The following ARSG variants were observed in gnomAD, a reference collection of about 807,000 sequenced individuals.
ARSG encodes arylsulfatase G, also known as ASG.
Under a neutral mutation model 50.5 loss-of-function variants are expected in ARSG, and 37 were observed. That is an observed-to-expected ratio of 0.73 (90% CI 0.56 to 0.96). The LOEUF (loss-of-function observed/expected upper bound fraction) is 0.96. ARSG is among the 50% of genes least tolerant of loss of function. The probability of loss-of-function intolerance (pLI) is 0.00; values close to 1 mark genes in which losing one functional copy is unlikely to be tolerated. For missense variants in ARSG, 629 were observed against 675.3 expected (o/e 0.93, Z 0.76); for synonymous variants, 225 against 254.6 (o/e 0.88, Z 1.11).
At chr17:68,377,254 A>G (rs558812030) in intron 8 of ARSG, among the ~76,000 whole-genome samples, 2 of 152,354 alleles carry the variant, frequency 1.3e-5, no homozygotes, top group Non-Finnish European at 2.9e-5. Context: ...CCAGCCAGCA[A>G]TGGAGGGGTC....
At chr17:68,287,592 G>A (rs890672897), upstream of ARSG, among the ~76,000 whole-genome samples, 4 of 152,112 alleles carry the variant, frequency 2.6e-5, no homozygotes, top group Non-Finnish European at 5.9e-5. Context: ...ACTTTCACCT[G>A]CATTCTTGGG....
chr17:68,294,535 GC>G (rs1265449422), intron 1 of ARSG, among the ~76,000 whole-genome samples: 1 of 152,124 alleles, frequency 6.6e-6, no homozygotes, highest in Non-Finnish European at 1.5e-5. Flanking sequence ...GCTTTTGGGG[GC>G]TGACTCTTCA....
chr17:68,425,832 C>A, downstream of ARSG: 1 of 425,834 alleles, frequency 2.3e-6, no homozygotes, highest in South Asian at 4.1e-5. Context: ...GCCACCAAGA[C>A]TCCCTGGATT....
chr17:68,352,276 G>T (rs2078834531), intron 5 of ARSG, among the ~76,000 whole-genome samples: 1 of 151,326 alleles, frequency 6.6e-6, no homozygotes, highest in South Asian at 2.1e-4. Context: ...TGCCAAACAG[G>T]CACCAAATAG....
At chr17:68,344,490 A>G (rs1349916169) in intron 3 of ARSG, among the ~76,000 whole-genome samples, 2 of 152,204 alleles carry the variant, frequency 1.3e-5, no homozygotes, top group Non-Finnish European at 2.9e-5. Flanking sequence ...CTTACTCAGC[A>G]TTTATTATGT....
At chr17:68,446,385 T>C in the ARSG span, among the ~76,000 whole-genome samples, 1 of 152,084 alleles carries the variant, frequency 6.6e-6, no homozygotes, top group Non-Finnish European at 1.5e-5. Flanking sequence ...GGTTTCACTA[T>C]GTTGTCCAGG....
intron 2 of ARSG, among the ~76,000 whole-genome samples, chr17:68,313,282 A>C (rs2145709402): frequency 6.6e-6 from 1 of 152,200 alleles, no homozygotes; most frequent in East Asian, 1.9e-4. Flanking sequence ...AAATAAAAAC[A>C]AAAAAACATT....
chr17:68,332,005 A>G (rs2077796733), intron 2 of ARSG, among the ~76,000 whole-genome samples: 1 of 152,240 alleles, frequency 6.6e-6, no homozygotes, highest in South Asian at 2.1e-4. Context: ...TGTCATTGAT[A>G]ACATCTTATT....
At chr17:68,313,613 T>C (rs1184097276) in intron 2 of ARSG, among the ~76,000 whole-genome samples, 1 of 152,054 alleles carries the variant, frequency 6.6e-6, no homozygotes, top group African/African-American at 2.4e-5. Context: ...AGGTTCTGGA[T>C]TGATATGAAA....
upstream of ARSG, chr17:68,291,171 A>G (rs901452206): frequency 1.3e-5 from 2 of 152,070 alleles, no homozygotes; most frequent in Admixed American, 1.3e-4. Flanking sequence ...CCGCTCGGTA[A>G]CATGAGAAAA....
intron 11 of ARSG, among the ~76,000 whole-genome samples, chr17:68,413,187 G>A (rs944995052): frequency 2.0e-4 from 31 of 152,194 alleles, no homozygotes; most frequent in Non-Finnish European, 4.0e-4. Flanking sequence ...TTTGGAGGAG[G>A]AGAGGCGCTC....
chr17:68,435,591 G>T, the ARSG span: 2 of 1,609,380 alleles, frequency 1.2e-6, no homozygotes, highest in Non-Finnish European at 1.7e-6. Flanking sequence ...GCGAAACCCA[G>T]ACAGAGGTGT....
chr17:68,376,873 T>TG (rs1438108796), intron 8 of ARSG, among the ~76,000 whole-genome samples: 1 of 151,658 alleles, frequency 6.6e-6, no homozygotes, highest in Non-Finnish European at 1.5e-5. Context: ...TTTTTTTTTT[T>TG]TTTTGAGACA....
Position 68,271,920 on chromosome 17 carries a change from A to G in ARSG, c.-552+12494A>G, listed in dbSNP as rs2075353800. Among the ~76,000 whole-genome samples, 1 of 152,186 alleles carries G rather than the reference A, an allele frequency of 6.6e-6. No homozygotes were observed. The highest frequency in any genetic ancestry group is 1.5e-5 in the Non-Finnish European group (1 of 68,034). On this transcript the variant is annotated intron_variant, in intron 1 of 11. Transcript: ENST00000448504. This position sits in a 1 kb window ranked among gnomAD's most constrained non-coding sequence, Gnocchi z 5.3. ...CGGGTTCAAGCGATTCTCCTGCCTC[A>G]GCCTCCTGAGTAGCTGGGACTATAG...
intron 11 of ARSG, among the ~76,000 whole-genome samples, chr17:68,408,350 C>T (rs1363042736): frequency 1.4e-5 from 2 of 147,952 alleles, no homozygotes; most frequent in Admixed American, 6.9e-5. Context: ...GTTCAATTCC[C>T]ACCTATGAGT....
the ARSG span, among the ~76,000 whole-genome samples, chr17:68,430,606 G>C: frequency 1.3e-5 from 2 of 152,270 alleles, no homozygotes; most frequent in South Asian, 4.1e-4. Context: ...GCAAACCTCC[G>C]GGCAAGACAC....
At chr17:68,298,709 A>G (rs1465136111) in intron 1 of ARSG, among the ~76,000 whole-genome samples, 2 of 151,936 alleles carry the variant, frequency 1.3e-5, no homozygotes, top group African/African-American at 4.8e-5. Context: ...GAGGCTGGCC[A>G]GTTTGGTTCC....
chr17:68,263,314 A>C (rs1169571330), intron 1 of ARSG, among the ~76,000 whole-genome samples: 8 of 152,198 alleles, frequency 5.3e-5, no homozygotes, highest in Admixed American at 5.2e-4. Context: ...GTACGCTACG[A>C]TCGCCCTCAC....
intron 6 of ARSG, among the ~76,000 whole-genome samples, chr17:68,366,677 A>ATGTGTGTGTGTGTGTG (rs3072873): frequency 1.1e-4 from 16 of 148,360 alleles, no homozygotes; most frequent in African/African-American, 4.0e-4. Flanking sequence ...GAATTTATGT[A>ATGTGTGTGTGTGTGTG]TGTGTGTGTG....
Sources: allele counts gnomAD v4.1 joint callset (sites outside exome capture counted in the v4.1 genomes callset), GRCh38; gene constraint gnomAD v4.1.1; non-coding constraint Gnocchi (gnomAD v3.1); transcripts MANE v1.5; gene names NCBI Gene and HGNC (gene_info 2026-07-23, HGNC 2026-07-21).